Variants in GALNT13 observed in about 807,000 individuals in gnomAD.
The protein encoded by GALNT13 is UDP-GalNAc:polypeptide N-acetylgalactosaminyltransferase 13.
In GALNT13, 28 loss-of-function variants were observed where a neutral mutation model predicts 64.2. The ratio of observed to expected loss-of-function variants is 0.44; its 90% CI spans 0.32 to 0.60. The LOEUF is 0.60. Ranked by LOEUF, GALNT13 falls within the 20% of genes least tolerant of loss-of-function variation. The pLI is 0.05. For missense variants in GALNT13, 577 were observed against 669.8 expected (o/e 0.86, Z 1.53); for synonymous variants, 214 against 224.6 (o/e 0.95, Z 0.42).
chr2:153,933,190 C>A (rs1278062811), intron 2 of GALNT13, among the ~76,000 whole-genome samples: 1 of 152,058 alleles, frequency 6.6e-6, no homozygotes, highest in Non-Finnish European at 1.5e-5. Flanking sequence ...TTTTCTGCCT[C>A]AATGATCTGT....
intron 9 of GALNT13, among the ~76,000 whole-genome samples, chr2:154,341,819 G>A (rs1329538920): frequency 5.9e-5 from 9 of 152,202 alleles, no homozygotes; most frequent in Non-Finnish European, 1.0e-4. Context: ...AACATCAAGA[G>A]CAGTTGGTCT....
chr2:153,646,149 T>C, the GALNT13 span, among the ~76,000 whole-genome samples: 1 of 152,104 alleles, frequency 6.6e-6, no homozygotes, highest in South Asian at 2.1e-4. Context: ...TTTATATTTA[T>C]TGTTCTTCCT....
chr2:153,338,242 A>G, the GALNT13 span, among the ~76,000 whole-genome samples: 2 of 152,146 alleles, frequency 1.3e-5, no homozygotes, highest in African/African-American at 2.4e-5. Context: ...GCAGTGAGCT[A>G]TGATCCTGTT....
At chr2:153,128,617 A>G in the GALNT13 span, among the ~76,000 whole-genome samples, 27 of 152,320 alleles carry the variant, frequency 1.8e-4, no homozygotes, top group African/African-American at 6.3e-4. Context: ...CTCTAGTTAT[A>G]TGTAAAAGAC....
the GALNT13 span, among the ~76,000 whole-genome samples, chr2:153,844,594 T>C: frequency 6.6e-6 from 1 of 152,224 alleles, no homozygotes; most frequent in Non-Finnish European, 1.5e-5. Flanking sequence ...TTGTACAAAT[T>C]TCTCTAACAA....
At chr2:154,383,397 G>GA (rs1193437908) in intron 9 of GALNT13, among the ~76,000 whole-genome samples, 6 of 150,600 alleles carry the variant, frequency 4.0e-5, no homozygotes, top group African/African-American at 9.7e-5. Flanking sequence ...CATTCCTGCT[G>GA]AAAAAAAAAT....
At chr2:153,699,959 G>A in the GALNT13 span, among the ~76,000 whole-genome samples, 1 of 152,272 alleles carries the variant, frequency 6.6e-6, no homozygotes, top group South Asian at 2.1e-4. Context: ...CAAAACAATT[G>A]AAAAGGAGAG....
At chr2:154,286,783 A>T in intron 8 of GALNT13, 1 of 324,110 alleles carries the variant, frequency 3.1e-6, no homozygotes, top group Non-Finnish European at 6.2e-6. Flanking sequence ...ACAGAAACCA[A>T]TTTTCTTTAA....
At chr2:153,151,914 G>T in the GALNT13 span, among the ~76,000 whole-genome samples, 429 of 152,014 alleles carry the variant, frequency 2.8e-3, 2 homozygotes, top group African/African-American at 9.9e-3. Flanking sequence ...ACACCAACAT[G>T]GCACATGTAT....
chr2:153,875,728 T>A (rs1457162140), intron 1 of GALNT13, among the ~76,000 whole-genome samples: 2 of 152,208 alleles, frequency 1.3e-5, no homozygotes, highest in African/African-American at 4.8e-5. Flanking sequence ...GAGAAAATGC[T>A]TGAGAATAAA....
chr2:153,225,851 C>T, the GALNT13 span, among the ~76,000 whole-genome samples: 1 of 152,164 alleles, frequency 6.6e-6, no homozygotes. Context: ...TGCATGTTCA[C>T]AGATAGGAGG....
At chr2:153,089,267 C>T in the GALNT13 span, among the ~76,000 whole-genome samples, 76 of 152,232 alleles carry the variant, frequency 5.0e-4, no homozygotes, top group African/African-American at 1.7e-3. Flanking sequence ...TCTTGGCTGA[C>T]CATTATTTTG....
At chr2:154,344,123 C>G (rs1290268331) in intron 9 of GALNT13, among the ~76,000 whole-genome samples, 2 of 151,922 alleles carry the variant, frequency 1.3e-5, no homozygotes, top group Admixed American at 6.6e-5. Context: ...TTACAGATTC[C>G]TTAGTAGATA....
At chr2:153,818,094 A>C in the GALNT13 span, among the ~76,000 whole-genome samples, 1 of 148,754 alleles carries the variant, frequency 6.7e-6, no homozygotes, top group Non-Finnish European at 1.5e-5. Context: ...CAGAACCGGC[A>C]TGGAACCAGG....
At chr2:154,032,673 T>C (rs1698412454) in intron 3 of GALNT13, among the ~76,000 whole-genome samples, 1 of 151,926 alleles carries the variant, frequency 6.6e-6, no homozygotes, top group African/African-American at 2.4e-5. Flanking sequence ...ATCTCATAAA[T>C]GCAGAAAAAG....
intron 4 of GALNT13, among the ~76,000 whole-genome samples, chr2:154,192,291 G>A (rs761372542): frequency 6.6e-6 from 1 of 152,172 alleles, no homozygotes; most frequent in African/African-American, 2.4e-5. Context: ...ATAGGCACAG[G>A]ATGGGGGTGT....
the GALNT13 span, among the ~76,000 whole-genome samples, chr2:153,534,528 T>TC: frequency 1.4e-5 from 2 of 147,674 alleles, no homozygotes; most frequent in African/African-American, 4.9e-5. Flanking sequence ...CTTTCTTTCT[T>TC]TTTTTTTTTT....
At chr2:153,137,854 C>T in the GALNT13 span, among the ~76,000 whole-genome samples, 1 of 152,084 alleles carries the variant, frequency 6.6e-6, no homozygotes, top group East Asian at 1.9e-4. Flanking sequence ...GTCCTGGGAA[C>T]CTCTCAGTTC....
the GALNT13 span, among the ~76,000 whole-genome samples, chr2:153,397,580 C>T: frequency 7.9e-5 from 12 of 151,476 alleles, no homozygotes; most frequent in African/African-American, 2.7e-4. Flanking sequence ...GTCTTGCATC[C>T]GTATTTGGAA....
Sources: allele counts gnomAD v4.1 joint callset (sites outside exome capture counted in the v4.1 genomes callset), GRCh38; gene constraint gnomAD v4.1.1; transcripts MANE v1.5; gene names NCBI Gene and HGNC (gene_info 2026-07-23, HGNC 2026-07-21).